Variants in SORCS2 observed in about 807,000 individuals in gnomAD.
The protein encoded by SORCS2 is sortilin related VPS10 domain containing receptor 2.
In SORCS2, 100 loss-of-function variants were observed where a neutral mutation model predicts 141.6. The observed-to-expected ratio is 0.71, with a 90% CI of 0.60 to 0.83. SORCS2 has a LOEUF of 0.83. Ranked by LOEUF, SORCS2 falls within the 40% of genes least tolerant of loss-of-function variation. The pLI, the probability that SORCS2 is intolerant of heterozygous loss-of-function variation, is 0.00. For synonymous variants in SORCS2, 789 were observed against 676.9 expected (o/e 1.17, Z -2.57); for missense variants, 1,646 against 1,560.2 (o/e 1.05, Z -0.93).
chr4:7,471,869 G>C (rs1353562115), intron 2 of SORCS2, among the ~76,000 whole-genome samples: 1 of 152,232 alleles, frequency 6.6e-6, no homozygotes, highest in Non-Finnish European at 1.5e-5. Flanking sequence ...AGGCTTTGCT[G>C]GAGTCTCCAC....
At chr4:7,516,348 C>T (rs1309114956) in intron 2 of SORCS2, among the ~76,000 whole-genome samples, 1 of 152,160 alleles carries the variant, frequency 6.6e-6, no homozygotes. Context: ...CTCTGCCTCT[C>T]CTCTCTGAAC....
chr4:7,650,380 G>T (rs1399103508), intron 4 of SORCS2, among the ~76,000 whole-genome samples: 2 of 152,210 alleles, frequency 1.3e-5, no homozygotes, highest in Non-Finnish European at 2.9e-5. Context: ...TGTGTGCGTG[G>T]CAAGTGCAAC....
chr4:7,484,776 C>A (rs989718364), intron 2 of SORCS2, among the ~76,000 whole-genome samples: 1 of 151,942 alleles, frequency 6.6e-6, no homozygotes, highest in East Asian at 1.9e-4. Context: ...CTCCTGCACC[C>A]AGCCCTCCTG....
intron 18 of SORCS2, among the ~76,000 whole-genome samples, chr4:7,720,778 G>A (rs1484731571): frequency 6.6e-6 from 1 of 152,252 alleles, no homozygotes; most frequent in Non-Finnish European, 1.5e-5. Flanking sequence ...GAAGCCCACA[G>A]CCAGACATCA....
intron 1 of SORCS2, among the ~76,000 whole-genome samples, chr4:7,381,534 G>C (rs935068906): frequency 1.3e-5 from 2 of 152,230 alleles, no homozygotes; most frequent in Non-Finnish European, 2.9e-5. Context: ...GGTGAAGGCT[G>C]TCCCCCGTGA....
chr4:7,607,980 C>T (rs757260856), intron 3 of SORCS2, among the ~76,000 whole-genome samples: 9 of 152,140 alleles, frequency 5.9e-5, no homozygotes, highest in Admixed American at 2.0e-4. Flanking sequence ...AGAAGCAGAA[C>T]CTGAAATGAG....
intron 2 of SORCS2, among the ~76,000 whole-genome samples, chr4:7,514,773 C>T (rs901196724): frequency 2.0e-5 from 3 of 152,158 alleles, no homozygotes; most frequent in African/African-American, 7.2e-5. Context: ...TACTTCAGGT[C>T]AGTCACGTAG....
Position 7,193,131 on chromosome 4 carries a change from G to A in SORCS2, c.480+5G>A. The A allele has an allele frequency of 6.6e-7, 1 of 1,525,628 alleles. No individual in the cohort carries two copies. Among genetic ancestry groups the A allele is most frequent in the Non-Finnish European group, 8.7e-7 (1 of 1,146,880 alleles). The allele number at this position is 1,525,628 out of a possible 1,614,324, so 94.5% of individuals were successfully genotyped here. On this transcript the variant is annotated splice_donor_5th_base_variant and intron_variant, in intron 1 of 26. Coordinates refer to ENST00000507866, the MANE Select transcript of SORCS2 (RefSeq NM_020777.3). The surrounding 1 kb of genome is among the most constrained non-coding windows in gnomAD (Gnocchi z 4.8). ...TGGACGGGCGAGAACAGCAGCGTAA[G>A]TGACCTCCACGCGCTCGCCGCGGCC...
intron 2 of SORCS2, among the ~76,000 whole-genome samples, chr4:7,446,713 G>A (rs1553865000): frequency 6.6e-6 from 1 of 152,168 alleles, no homozygotes; most frequent in South Asian, 2.1e-4. Flanking sequence ...CATACAAGGG[G>A]GTGCACCCTA....
chr4:7,368,137 A>T (rs1347237917), intron 1 of SORCS2, among the ~76,000 whole-genome samples: 1 of 152,160 alleles, frequency 6.6e-6, no homozygotes, highest in Non-Finnish European at 1.5e-5. Flanking sequence ...TGCTGGGTTG[A>T]TGAATGTGCC....
At chr4:7,407,469 G>A (rs1725038750) in intron 2 of SORCS2, among the ~76,000 whole-genome samples, 1 of 152,042 alleles carries the variant, frequency 6.6e-6, no homozygotes, top group Non-Finnish European at 1.5e-5. Flanking sequence ...TTGATTTGCA[G>A]CCTATTTCAT....
rs368169453 is a variant in SORCS2, at chr4:7,221,229, TC to T, written c.480+28104del. Among the ~76,000 whole-genome samples, 484 of 152,330 alleles carry T rather than the reference TC, an allele frequency of 3.2e-3. 6 individuals are homozygous for T. Among genetic ancestry groups the T allele is most frequent in the African/African-American group, 0.011 (442 of 41,568 alleles). On this transcript the variant is annotated intron_variant, in intron 1 of 26. Transcript: ENST00000507866. ...TGATTTGATGTCCTTGAGGAGTTAT[TC>T]GCAGACTTTGGTGTGTGTCAGAATC...
At chr4:7,307,784 AGT>A (rs1277915786) in intron 1 of SORCS2, among the ~76,000 whole-genome samples, 5 of 150,994 alleles carry the variant, frequency 3.3e-5, no homozygotes, top group South Asian at 2.1e-4. Flanking sequence ...TTTGTGCATG[AGT>A]GTGTGTGTGC....
intron 1 of SORCS2, among the ~76,000 whole-genome samples, chr4:7,374,433 T>G (rs1037577440): frequency 1.3e-5 from 2 of 151,998 alleles, no homozygotes; most frequent in Admixed American, 1.3e-4. Context: ...AAGGTGGATT[T>G]CTCCCGTTGC....
At chr4:7,246,504 C>T (rs1044535073) in intron 1 of SORCS2, among the ~76,000 whole-genome samples, 1 of 150,528 alleles carries the variant, frequency 6.6e-6, no homozygotes, top group Non-Finnish European at 1.5e-5. Context: ...TAAATGAACC[C>T]ACACATCTCA....
chr4:7,218,870 A>G (rs1728530384), intron 1 of SORCS2, among the ~76,000 whole-genome samples: 1 of 152,122 alleles, frequency 6.6e-6, no homozygotes, highest in African/African-American at 2.4e-5. Flanking sequence ...ATAAAACCCA[A>G]ACTCTTTCTC....
chr4:7,620,944 C>T (rs761289043), intron 3 of SORCS2, among the ~76,000 whole-genome samples: 1 of 152,152 alleles, frequency 6.6e-6, no homozygotes, highest in African/African-American at 2.4e-5. Flanking sequence ...CCCCCAAGTG[C>T]CCTTCTCCTG....
chr4:7,682,959 A>G lies in SORCS2; in HGVS notation c.1488+70A>G, dbSNP rs895330180. ...CTAGATATAACTTCAGTAATCAAGA[A>G]GGTCAGAGGTGGTGATGTCTGAGAA... On this transcript the variant is annotated intron_variant, in intron 10 of 26. Transcript: ENST00000507866. The G allele has an allele frequency of 6.3e-5, 97 of 1,540,270 alleles. No homozygotes were observed. The African/African-American group carries it at 1.2e-3, about 19-fold the overall frequency.
chr4:7,703,163 C>A, intron 12 of SORCS2, 117 bp from the exon 13 acceptor site: 1 of 777,192 alleles, frequency 1.3e-6, no homozygotes, highest in Non-Finnish European at 2.0e-6. Flanking sequence ...CCGGCCTTGG[C>A]CTCTGCCAAC....
Sources: gnomAD v4.1 joint callset for allele counts (sites outside exome capture counted in the v4.1 genomes callset) on GRCh38, gnomAD v4.1.1 for gene constraint, Gnocchi (gnomAD v3.1) non-coding constraint, MANE v1.5 for transcripts, NCBI Gene and HGNC (gene_info 2026-07-23, HGNC 2026-07-21) for gene names.